Variants in VAT1L observed in about 807,000 individuals in gnomAD.
VAT1L encodes putative NADPH-dependent quinone oxidoreductase VAT1L.
VAT1L carries 34 observed loss-of-function variants against 44.1 expected under a neutral mutation model. That is an observed-to-expected ratio of 0.77 (90% CI 0.59 to 1.03). The LOEUF (loss-of-function observed/expected upper bound fraction) is 1.03, where lower values mean the gene tolerates loss of function less well. Among genes scored for constraint, VAT1L ranks in the 50% least tolerant of loss-of-function variants. VAT1L has a pLI of 0.00. For synonymous variants in VAT1L, 253 were observed against 202.2 expected, an observed-to-expected ratio of 1.25 and a Z score of -2.13; for missense variants, 615 against 538.8, an observed-to-expected ratio of 1.14 and a Z score of -1.40.
intron 6 of VAT1L, among the ~76,000 whole-genome samples, chr16:77,883,519 G>A (rs936983260): frequency 6.6e-6 from 1 of 152,120 alleles, no homozygotes; most frequent in Non-Finnish European, 1.5e-5. Flanking sequence ...CTTTGTTGTG[G>A]ATTATTCTTT....
At chr16:77,945,605 T>C (rs2017951569) in intron 7 of VAT1L, among the ~76,000 whole-genome samples, 1 of 151,772 alleles carries the variant, frequency 6.6e-6, no homozygotes, top group Admixed American at 6.6e-5. Flanking sequence ...TTTTTTCAAT[T>C]GTTATTTTCT....
chr16:77,864,747 T>A (rs1475503986), intron 4 of VAT1L, among the ~76,000 whole-genome samples: 1 of 152,094 alleles, frequency 6.6e-6, no homozygotes, highest in Non-Finnish European at 1.5e-5. Flanking sequence ...AAGGAGGGGG[T>A]TCTGATGGTC....
At chr16:77,857,051 C>A (rs1172364837) in intron 3 of VAT1L, among the ~76,000 whole-genome samples, 2 of 152,170 alleles carry the variant, frequency 1.3e-5, no homozygotes. Flanking sequence ...ACAAAAGAAG[C>A]CGCAGCTGCT....
intron 1 of VAT1L, chr16:77,799,878 A>G (rs1051833531): frequency 6.6e-6 from 1 of 152,184 alleles, no homozygotes; most frequent in Non-Finnish European, 1.5e-5. Flanking sequence ...CTCTGTGATC[A>G]GTTAACATGA....
chr16:77,960,017 C>A (rs2018144773), intron 7 of VAT1L, among the ~76,000 whole-genome samples: 1 of 152,060 alleles, frequency 6.6e-6, no homozygotes, highest in South Asian at 2.1e-4. Flanking sequence ...TAAATCCCAT[C>A]CATCCTCTAA....
At chr16:77,975,903 T>A (rs1442888991) in intron 8 of VAT1L, among the ~76,000 whole-genome samples, 1 of 152,222 alleles carries the variant, frequency 6.6e-6, no homozygotes. Context: ...CTGCTGCCCT[T>A]ATGGATTCTG....
At chr16:77,935,828 G>GT in intron 7 of VAT1L, among the ~76,000 whole-genome samples, 1 of 152,100 alleles carries the variant, frequency 6.6e-6, no homozygotes, top group Non-Finnish European at 1.5e-5. Flanking sequence ...ATGAGCTTCA[G>GT]TTTTTTTCAT....
chr16:77,880,863 T>C (rs2017145863), intron 6 of VAT1L, among the ~76,000 whole-genome samples: 1 of 152,132 alleles, frequency 6.6e-6, no homozygotes, highest in African/African-American at 2.4e-5. Context: ...TTTTTATGTT[T>C]CTGCATTAAT....
At chr16:77,881,923 G>A (rs1230801384) in intron 6 of VAT1L, among the ~76,000 whole-genome samples, 4 of 152,196 alleles carry the variant, frequency 2.6e-5, no homozygotes, top group Admixed American at 6.5e-5. Context: ...TCCTCTAAAT[G>A]CACAATCCCA....
intron 1 of VAT1L, among the ~76,000 whole-genome samples, chr16:77,815,105 G>A (rs1176303253): frequency 6.6e-6 from 1 of 152,144 alleles, no homozygotes; most frequent in African/African-American, 2.4e-5. Flanking sequence ...ATTGGGATTT[G>A]TACCCCAGTC....
chr16:77,955,550 C>T (rs2018093269), intron 7 of VAT1L, among the ~76,000 whole-genome samples: 1 of 152,158 alleles, frequency 6.6e-6, no homozygotes, highest in East Asian at 1.9e-4. Context: ...TGTGATGAAG[C>T]CCTGTCTCCA....
Position 77,936,785 on chromosome 16 carries a change from G to A in VAT1L, c.1078-35065G>A, listed in dbSNP as rs113604028. On this transcript the variant is annotated intron_variant, in intron 7 of 8. Transcript: ENST00000302536. ...AGAAAGAGGAGAGGAAGGAGAGGGA[G>A]GAAGAGGGAGCAAGGGTTAGGGAGC... is the stretch of plus-strand genomic sequence containing the variant. Among the ~76,000 whole-genome samples the A allele has an allele frequency of 1.7e-3, 256 of 152,280 alleles. 4 individuals carry two copies. Among genetic ancestry groups the A allele is most frequent in the African/African-American group, 5.8e-3 (241 of 41,554 alleles).
chr16:77,944,433 T>C (rs1467268928), intron 7 of VAT1L, among the ~76,000 whole-genome samples: 1 of 152,216 alleles, frequency 6.6e-6, no homozygotes, highest in Non-Finnish European at 1.5e-5. Context: ...CGAAGGATAA[T>C]GGGCATGACA....
intron 7 of VAT1L, among the ~76,000 whole-genome samples, chr16:77,968,439 G>A (rs2018246174): frequency 6.6e-6 from 1 of 152,192 alleles, no homozygotes; most frequent in African/African-American, 2.4e-5. Context: ...TAAAAAAAGA[G>A]CATGGGCTGG....
intron 7 of VAT1L, among the ~76,000 whole-genome samples, chr16:77,902,748 C>T (rs2142477646): frequency 7.1e-6 from 1 of 141,828 alleles, no homozygotes; most frequent in South Asian, 2.3e-4. Flanking sequence ...GGGTGTGGAT[C>T]ACCTGAGGTC....
chr16:77,870,926 G>A (rs1039923547), intron 4 of VAT1L, among the ~76,000 whole-genome samples: 1 of 152,124 alleles, frequency 6.6e-6, no homozygotes, highest in Non-Finnish European at 1.5e-5. Flanking sequence ...TTTTCAGTGT[G>A]GGTGTAACTG....
chr16:77,964,855 G>A (rs376757628), intron 7 of VAT1L, among the ~76,000 whole-genome samples: 94 of 135,940 alleles, frequency 6.9e-4, no homozygotes, highest in East Asian at 1.1e-3. Flanking sequence ...GTGCAATGAC[G>A]TAATCTCAGC....
chr16:77,888,871 C>T (rs1411071417), intron 7 of VAT1L, among the ~76,000 whole-genome samples: 5 of 152,206 alleles, frequency 3.3e-5, no homozygotes, highest in Non-Finnish European at 7.3e-5. Flanking sequence ...GCAAGATAGT[C>T]CTCCATAGAA....
At chr16:77,842,176 C>T (rs191386696) in intron 3 of VAT1L, among the ~76,000 whole-genome samples, 5 of 152,246 alleles carry the variant, frequency 3.3e-5, no homozygotes, top group African/African-American at 9.6e-5. Context: ...CGTGAGCCAC[C>T]GCGCCCAGTC....
Sources: allele counts gnomAD v4.1 joint callset (sites outside exome capture counted in the v4.1 genomes callset), GRCh38; gene constraint gnomAD v4.1.1; transcripts MANE v1.5; gene names NCBI Gene and HGNC (gene_info 2026-07-23, HGNC 2026-07-21).